RXFP1: variants seen among roughly 807,000 people sequenced by gnomAD.
RXFP1 encodes relaxin receptor 1.
A neutral mutation model predicts 89.8 loss-of-function variants in RXFP1; 73 were observed. The ratio of observed to expected loss-of-function variants is 0.81; its 90% confidence interval spans 0.67 to 0.99. RXFP1 has a LOEUF of 0.99. Ranked by LOEUF, RXFP1 falls within the 50% of genes least tolerant of loss-of-function variation. RXFP1 has a pLI of 0.00. For missense variants in RXFP1, 793 were observed against 895.5 expected (o/e 0.89, Z 1.46); for synonymous variants, 277 against 305.5 (o/e 0.91, Z 0.97).
chr4:158,527,104 G>A (rs910146798), intron 1 of RXFP1, among the ~76,000 whole-genome samples: 33 of 152,136 alleles, frequency 2.2e-4, no homozygotes, highest in Non-Finnish European at 4.1e-4. Context: ...TGAAACAGCA[G>A]ATAATCTGAT....
At chr4:158,534,948 TA>T (rs1380305795) in intron 1 of RXFP1, among the ~76,000 whole-genome samples, 18 of 147,978 alleles carry the variant, frequency 1.2e-4, no homozygotes, top group Admixed American at 4.7e-4. Flanking sequence ...ATATATTACA[TA>T]AAAATATTAC....
At chr4:158,521,849 G>A (rs932533102), upstream of RXFP1, 2 of 577,706 alleles carry the variant, frequency 3.5e-6, no homozygotes, top group Non-Finnish European at 6.2e-6. Flanking sequence ...TGGAAGGAGG[G>A]AGGACTGCTT....
At chr4:158,528,201 A>G (rs1743065996) in intron 1 of RXFP1, among the ~76,000 whole-genome samples, 2 of 152,112 alleles carry the variant, frequency 1.3e-5, no homozygotes, top group South Asian at 4.1e-4. Context: ...AAGGGACTTT[A>G]AAAATGCTTA....
At chr4:158,536,092 A>G (rs896981929) in intron 1 of RXFP1, among the ~76,000 whole-genome samples, 3 of 152,222 alleles carry the variant, frequency 2.0e-5, no homozygotes, top group Non-Finnish European at 4.4e-5. Flanking sequence ...TCTTTAATCA[A>G]TCAGTAACTT....
At chr4:158,586,010 T>C (rs1758244749) in intron 2 of RXFP1, among the ~76,000 whole-genome samples, 1 of 152,244 alleles carries the variant, frequency 6.6e-6, no homozygotes, top group Non-Finnish European at 1.5e-5. Context: ...CCTAGTTGAC[T>C]ATGGCAAATC....
intron 11 of RXFP1, among the ~76,000 whole-genome samples, chr4:158,629,357 T>A (rs543757977): frequency 7.2e-5 from 11 of 152,302 alleles, no homozygotes; most frequent in African/African-American, 2.6e-4. Context: ...CAAAGGATAA[T>A]CTTGTATCCA....
At chr4:158,621,494 T>C (rs973955638) in intron 9 of RXFP1, among the ~76,000 whole-genome samples, 1 of 152,144 alleles carries the variant, frequency 6.6e-6, no homozygotes, top group African/African-American at 2.4e-5. Flanking sequence ...AAAGAAGGTA[T>C]AGTGCATTGA....
chr4:158,635,449 T>C (rs1346274312), intron 12 of RXFP1, among the ~76,000 whole-genome samples: 4 of 152,210 alleles, frequency 2.6e-5, no homozygotes, highest in Non-Finnish European at 5.9e-5. Context: ...CATATAAGAT[T>C]ACATCACCTG....
rs374298697 is a variant in RXFP1 at position 158,651,921 on chromosome 4, G to T, written c.2140G>T (p.Ala714Ser). Residue 714 changes from alanine (A) to serine (S), a missense_variant, in exon 18 of 18, where the codon GCT becomes TCT. By Grantham distance (99) the Ala-to-Ser change is moderately conservative. Transcript: ENST00000307765. ...SMDSKGQKTY[A>S]PSFIWVEMWP... ...GGACAGCAAAGGTCAGAAAACATAT[G>T]CTCCATCATTCATCTGGGTGGAAAT... is the stretch of plus-strand genomic sequence containing the variant. The T allele has an allele frequency of 1.9e-6, 3 of 1,614,008 alleles. No individual in the cohort carries two copies. The African/African-American group carries it at 4.0e-5, about 22-fold the overall frequency.
rs547479269 is a variant in RXFP1, at chr4:158,554,124, G to T, written c.50-18574G>T. ...CTCCAAACATTGCCAAATGTCCCCT[G>T]GGTCCAAAATAATCCCCAATTAAGA... is the stretch of plus-strand genomic sequence containing the variant. On this transcript the variant is annotated intron_variant, in intron 1 of 17. Coordinates refer to ENST00000307765, the MANE Select transcript of RXFP1 (RefSeq NM_021634.4). Among the ~76,000 whole-genome samples, 55 of 151,872 alleles carry T rather than the reference G, an allele frequency of 3.6e-4. 1 individual carries two copies. The South Asian group carries it at 0.011, about 31-fold the overall frequency.
chr4:158,587,504 G>T (rs948643444), intron 2 of RXFP1, among the ~76,000 whole-genome samples: 2 of 152,114 alleles, frequency 1.3e-5, no homozygotes, highest in African/African-American at 4.8e-5. Flanking sequence ...TGATGTAAGA[G>T]CCTCAATAAC....
chr4:158,621,241 G>C (rs1765575828), intron 9 of RXFP1, among the ~76,000 whole-genome samples: 1 of 152,218 alleles, frequency 6.6e-6, no homozygotes. Flanking sequence ...GAGCCTGAGA[G>C]ATCAAGGCTT....
At chr4:158,640,536 C>G (rs1190391228) in intron 14 of RXFP1, among the ~76,000 whole-genome samples, 1 of 152,020 alleles carries the variant, frequency 6.6e-6, no homozygotes, top group East Asian at 1.9e-4. Flanking sequence ...AGAGGAGGTG[C>G]CAGCTCTTTT....
At chr4:158,576,476 C>T (rs1756225585) in intron 2 of RXFP1, among the ~76,000 whole-genome samples, 1 of 151,906 alleles carries the variant, frequency 6.6e-6, no homozygotes, top group Admixed American at 6.6e-5. Context: ...TTCTCAGGCT[C>T]CATCCCAGAC....
At chr4:158,643,887 C>T (rs1770923290) in intron 14 of RXFP1, among the ~76,000 whole-genome samples, 1 of 152,140 alleles carries the variant, frequency 6.6e-6, no homozygotes, top group African/African-American at 2.4e-5. Context: ...TCCAGATTCT[C>T]ATCAGCATTT....
At chr4:158,649,324 A>G (rs1391999118) in intron 17 of RXFP1, among the ~76,000 whole-genome samples, 2 of 152,272 alleles carry the variant, frequency 1.3e-5, no homozygotes, top group Non-Finnish European at 2.9e-5. Flanking sequence ...AAAACAGGCC[A>G]AAACAATTCT....
chr4:158,578,115 A>C (rs1756615002), intron 2 of RXFP1, among the ~76,000 whole-genome samples: 1 of 152,162 alleles, frequency 6.6e-6, no homozygotes, highest in South Asian at 2.1e-4. Context: ...TATATCAAAA[A>C]CTGATTACAC....
At chr4:158,549,721 A>G (rs1447489538) in intron 1 of RXFP1, among the ~76,000 whole-genome samples, 1 of 152,116 alleles carries the variant, frequency 6.6e-6, no homozygotes, top group African/African-American at 2.4e-5. Flanking sequence ...TCCACTCCAG[A>G]CCCTGTTTGC....
chr4:158,616,509 T>C (rs1490005510), intron 8 of RXFP1, among the ~76,000 whole-genome samples: 3 of 150,464 alleles, frequency 2.0e-5, no homozygotes, highest in Non-Finnish European at 3.0e-5. Context: ...AAAATGCCTT[T>C]AAATCATCTC....
Sources: gnomAD v4.1 joint callset for allele counts (sites outside exome capture counted in the v4.1 genomes callset) on GRCh38, gnomAD v4.1.1 for gene constraint, MANE v1.5 for transcripts, NCBI Gene and HGNC (gene_info 2026-07-23, HGNC 2026-07-21) for gene names.